GBP7: variants seen among roughly 807,000 people sequenced by gnomAD.
The protein encoded by GBP7 is guanylate-binding protein 7.
GBP7 carries 43 observed loss-of-function variants against 61.3 expected under a neutral mutation model. That is an observed-to-expected ratio of 0.70 (90% confidence interval 0.55 to 0.91). The LOEUF is 0.91. Among genes scored for constraint, GBP7 ranks in the 40% least tolerant of loss-of-function variants. The pLI is 0.00. For synonymous variants in GBP7, 267 were observed against 271.0 expected (o/e 0.99, Z 0.14); for missense variants, 717 against 740.5 (o/e 0.97, Z 0.37).
rs144793011 is a variant in GBP7 at position 89,133,545 on chromosome 1, C to G, written c.1469-94G>C. 4,361 of 989,404 alleles carry G rather than the reference C, an allele frequency of 4.4e-3. 20 individuals are homozygous for G. The highest frequency in any genetic ancestry group is 5.7e-3 in the Non-Finnish European group (3,691 of 649,714). 61.3% of individuals were successfully genotyped at this position (989,404 alleles called of 1,614,324 possible). ...GTAGATGGAGTCAGGAAGAGCTTCT[C>G]CCACTGAGAGACCAGACCGTAAAGA... On this transcript the variant is annotated intron_variant, in intron 9 of 10. Transcript: ENST00000294671.
At chr1:89,141,467 A>G (rs893021754) in intron 9 of GBP7, 79 bp downstream of exon 9, 1 of 1,281,088 alleles carries the variant, frequency 7.8e-7, no homozygotes, top group Non-Finnish European at 1.1e-6. Flanking sequence ...TGGTATAAGG[A>G]AAATCCTTTT....
In GBP7 at chr1:89,171,873, C is replaced by T. The variant is rs940479740; in HGVS notation, c.63G>A (p.Leu21=). ...VCLTENTKGH[L]VVNSEALEIL... is the part of the protein sequence containing the mutation. Reference sequence around the variant, plus strand: ...TTTCCAGAGCTTCTGAATTCACCACCAGATGCCCTTTAGTGTTCTCAGTGA... The same window carrying T: ...TTTCCAGAGCTTCTGAATTCACCACTAGATGCCCTTTAGTGTTCTCAGTGA... The change falls in exon 2 of 11, where the codon CTG becomes CTA. Residue 21 remains leucine (L), a synonymous_variant. Transcript: ENST00000294671. 5 of 1,613,816 alleles carry T rather than the reference C, an allele frequency of 3.1e-6. No individual in the cohort carries two copies. Among genetic ancestry groups the T allele is most frequent in the Non-Finnish European group, 4.2e-6 (5 of 1,179,846 alleles).
intron 4 of GBP7, 57 bp from the exon 5 acceptor site, chr1:89,152,521 T>C (rs1305057735): frequency 2.6e-6 from 4 of 1,561,570 alleles, no homozygotes; most frequent in Non-Finnish European, 3.5e-6. Flanking sequence ...ACATCTCACT[T>C]AGAAACAAGT....
intron 9 of GBP7, among the ~76,000 whole-genome samples, chr1:89,138,946 A>G (rs10754263): frequency 0.63 from 96,276 of 152,046 alleles, 31,033 homozygotes; most frequent in East Asian, 0.78. Flanking sequence ...AAAAAGTCTA[A>G]TATCCAGAAT....
intron 9 of GBP7, among the ~76,000 whole-genome samples, chr1:89,139,295 CAA>C (rs1370177509): frequency 1.3e-5 from 2 of 152,136 alleles, no homozygotes; most frequent in African/African-American, 4.8e-5. Flanking sequence ...AAAATGAATT[CAA>C]GATGGATTAA....
intron 3 of GBP7, among the ~76,000 whole-genome samples, chr1:89,161,192 T>C (rs1315479655): frequency 6.6e-6 from 1 of 152,238 alleles, no homozygotes; most frequent in Non-Finnish European, 1.5e-5. Flanking sequence ...TATGGGCCTT[T>C]AAATTGATGC....
intron 9 of GBP7, among the ~76,000 whole-genome samples, chr1:89,139,513 A>G (rs1385629311): frequency 6.6e-6 from 1 of 152,228 alleles, no homozygotes; most frequent in Non-Finnish European, 1.5e-5. Flanking sequence ...CAGGCAACCT[A>G]CAAAATGGGA....
intron 9 of GBP7, among the ~76,000 whole-genome samples, chr1:89,134,192 A>C (rs1454649658): frequency 6.6e-6 from 1 of 152,198 alleles, no homozygotes. Flanking sequence ...GAGCTTCAGC[A>C]GATGGGCTCA....
rs1682238842 is a variant in GBP7, at chr1:89,152,900, A to G, written c.319-123T>C. 18 of 606,380 alleles carry G rather than the reference A, an allele frequency of 3.0e-5. No individual in the cohort carries two copies. In the South Asian group the frequency reaches 6.0e-4, roughly 20 times the overall value. The allele number at this position is 606,380 out of a possible 1,614,324, so 37.6% of individuals were successfully genotyped here. A position where few individuals can be genotyped will look rare whatever the true frequency, so the allele number is the denominator to read the frequency against. ...CCAGTTTTCCCAAAATGCTGTGTCT[A>G]AAGGAAACACAAATGTAAGCTTTAT... On this transcript the variant is annotated intron_variant, in intron 3 of 10. Coordinates refer to ENST00000294671, the MANE Select transcript of GBP7 (RefSeq NM_207398.3).
At chr1:89,146,158 A>G (rs1409617500) in intron 8 of GBP7, among the ~76,000 whole-genome samples, 1 of 152,226 alleles carries the variant, frequency 6.6e-6, no homozygotes, top group Non-Finnish European at 1.5e-5. Context: ...ACACATTTAC[A>G]GTCAAAGACT....
chr1:89,148,710 T>C (rs1374958668), intron 7 of GBP7, among the ~76,000 whole-genome samples: 2 of 152,216 alleles, frequency 1.3e-5, no homozygotes, highest in African/African-American at 4.8e-5. Flanking sequence ...AACACCTTGT[T>C]TTCAGCTTGT....
At chr1:89,148,162 G>C (rs1310540955) in intron 7 of GBP7, among the ~76,000 whole-genome samples, 1 of 152,162 alleles carries the variant, frequency 6.6e-6, no homozygotes, top group Non-Finnish European at 1.5e-5. Flanking sequence ...CCTGAACAGA[G>C]CTTGGAACTC....
At position 89,149,507 on chromosome 1, in the gene GBP7, T is replaced by G; in HGVS notation, c.937A>C (p.Asn313His). 6.2e-7 allele frequency: 1 copy of G among 1,614,154 alleles called. No individual in the cohort carries two copies. Among genetic ancestry groups the G allele is most frequent in the Non-Finnish European group, 8.5e-7 (1 of 1,180,012 alleles). The change falls in exon 7 of 11, where the codon AAT (asparagine) becomes CAT (histidine). Residue 313 changes from asparagine to histidine, a missense_variant. Physicochemically the swap from Asn to His is moderately conservative, Grantham distance 68 (BLOSUM62 1). This residue lies in a region of GBP7 where 387 missense variants were observed against 385.2 expected (regional missense o/e 1.00). Transcript: ENST00000294671. ...INSGATPCLE[N>H]AMAVLAQCEN... The stretch of plus-strand genomic sequence containing the variant: ...CACTGGGCCAGAACTGCCATTGCAT[T>G]CTCCAGACAAGGAGTCGCTCCACTG...
chr1:89,171,797 A>G lies in GBP7; in HGVS notation c.139T>C (p.Tyr47His), dbSNP rs761006533. The G allele has an allele frequency of 3.7e-6, 6 of 1,613,408 alleles. No individual in the cohort carries two copies. The African/African-American group carries it at 5.4e-5, about 14-fold the overall frequency. The change falls in exon 2 of 11, where the codon TAC (tyrosine) becomes CAC (histidine). Residue 47 changes from tyrosine to histidine, a missense_variant. Tyr to His is a moderately conservative substitution (Grantham distance 83, BLOSUM62 2). Coordinates refer to ENST00000294671, the MANE Select transcript of GBP7 (RefSeq NM_207398.3). The part of the protein sequence containing the change: ...PVVVVAIVGL[Y>H]RTGKSYLMNK... ...ATTAGGTAGGATTTGCCTGTGCGGT[A>G]GAGGCCCACAATTGCCACCACTACT...
chr1:89,149,696 C>T (rs1682149342), intron 6 of GBP7, 124 bp from the exon 7 acceptor site: 5 of 750,470 alleles, frequency 6.7e-6, no homozygotes, highest in Non-Finnish European at 6.3e-6. Flanking sequence ...CCCTCCTTCT[C>T]CTTCTTTCAA....
chr1:89,149,313 C>T lies in GBP7; in HGVS notation c.1131G>A (p.Gln377=), dbSNP rs1682137205. Residue 377 remains glutamine, a synonymous_variant, in exon 7 of 11, where the codon CAG becomes CAA. Transcript: ENST00000294671. ...TTACCACAAGCTTCTTCTGAAATTC[C>T]TGGCTTTTATCTTTGAAGGAGTACT... ...FMEYSFKDKS[Q]EFQKKLVDTM... is the part of the protein sequence containing the mutation. The T allele has an allele frequency of 1.2e-6, 2 of 1,600,686 alleles. No individual in the cohort carries two copies. Among genetic ancestry groups the T allele is most frequent in the Non-Finnish European group, 1.7e-6 (2 of 1,172,372 alleles).
At chr1:89,160,803 T>A (rs1307858534) in intron 3 of GBP7, among the ~76,000 whole-genome samples, 1 of 152,200 alleles carries the variant, frequency 6.6e-6, no homozygotes, top group East Asian at 1.9e-4. Context: ...TGTTTTGGCT[T>A]TCATACTGCA....
intron 3 of GBP7, among the ~76,000 whole-genome samples, chr1:89,158,689 C>T (rs1487262119): frequency 1.3e-5 from 2 of 152,108 alleles, no homozygotes; most frequent in Non-Finnish European, 2.9e-5. Context: ...AACTACAAAC[C>T]TCTGCTCAAT....
Position 89,132,166 on chromosome 1 carries a change from T to C in GBP7, c.1900A>G (p.Lys634Glu), listed in dbSNP as rs200361398. 13 of 1,605,870 alleles carry C rather than the reference T, an allele frequency of 8.1e-6. No homozygotes were observed. The highest frequency in any genetic ancestry group is 8.1e-5 in the African/African-American group (6 of 74,466). The change falls in exon 11 of 11, where the codon AAG becomes GAG. Residue 634 changes from lysine to glutamate, a missense_variant. By Grantham distance (56) the Lys-to-Glu change is moderately conservative. Around this residue, in one of 3 missense-constraint regions of GBP7, gnomAD observed 312 missense variants for 310.1 expected, o/e 1.01. Coordinates refer to ENST00000294671, the MANE Select transcript of GBP7 (RefSeq NM_207398.3). ...SLCNRLRNPG[K>E]KIIS ...AAGAAACCTCAGCTTATAATTTTCT[T>C]ACCAGGATTTCTCAGCCTATTACAT...
Sources: gnomAD v4.1 joint callset for allele counts (sites outside exome capture counted in the v4.1 genomes callset) on GRCh38, gnomAD v4.1.1 for gene constraint, gnomAD v4.1.1 regional missense constraint, MANE v1.5 for transcripts, NCBI Gene and HGNC (gene_info 2026-07-23, HGNC 2026-07-21) for gene names.